Variants in GUCY1B1 observed in about 807,000 individuals in gnomAD.
The protein encoded by GUCY1B1 is guanylate cyclase 1 soluble subunit beta 1, also known as guanylate cyclase soluble subunit beta-1.
In GUCY1B1, 43 loss-of-function variants were observed where a neutral mutation model predicts 71.0. The observed-to-expected ratio is 0.61, with a 90% CI of 0.47 to 0.78. GUCY1B1 has a LOEUF of 0.78. GUCY1B1 is among the 30% of genes least tolerant of loss of function. The pLI is 0.00. For missense variants in GUCY1B1, 535 were observed against 754.1 expected (o/e 0.71, Z 3.40); for synonymous variants, 266 against 259.7 (o/e 1.02, Z -0.23).
In GUCY1B1 at chr4:155,788,410, A is replaced by T. The variant is rs558250175; in HGVS notation, c.298-1304A>T. 9.2e-5 allele frequency among the ~76,000 whole-genome samples: 14 copies of T among 152,194 alleles called. No homozygotes were observed. In the East Asian group the frequency reaches 2.7e-3, roughly 29 times the overall value. On this transcript the variant is annotated intron_variant, in intron 4 of 13. Coordinates refer to ENST00000264424, the MANE Select transcript of GUCY1B1 (RefSeq NM_000857.5). ...TCCTTCTCATACTCCCATCTCTTTG[A>T]CCTTTTGTCATTGCACATCTCTCTG...
At chr4:155,803,481 T>A in intron 10 of GUCY1B1, 143 bp from the exon 11 acceptor site, 1 of 472,736 alleles carries the variant, frequency 2.1e-6, no homozygotes, top group Non-Finnish European at 3.6e-6. Context: ...TGGAGTTGAA[T>A]ATATTAGAAT....
intron 2 of GUCY1B1, among the ~76,000 whole-genome samples, chr4:155,774,545 T>C (rs1737911287): frequency 6.6e-6 from 1 of 152,202 alleles, no homozygotes; most frequent in Admixed American, 6.5e-5. Context: ...TCCCAGAATA[T>C]ATGTATTGCA....
At chr4:155,774,890 A>C in intron 2 of GUCY1B1, 78 bp from the exon 3 acceptor site, 5 of 827,028 alleles carry the variant, frequency 6.0e-6, no homozygotes, top group Non-Finnish European at 1.0e-5. Context: ...GCCATTGTTT[A>C]TACAATTATT....
chr4:155,798,273 A>G (rs1050037364), intron 8 of GUCY1B1, among the ~76,000 whole-genome samples: 3 of 152,190 alleles, frequency 2.0e-5, no homozygotes, highest in Non-Finnish European at 4.4e-5. Flanking sequence ...TTGAATTTAG[A>G]AAAAACTTAA....
Position 155,807,004 on chromosome 4 carries a change from G to A in GUCY1B1, c.*595G>A, listed in dbSNP as rs976793158. 2.0e-5 allele frequency: 3 copies of A among 152,096 alleles called. No homozygotes were observed. The highest frequency in any genetic ancestry group is 4.4e-5 in the Non-Finnish European group (3 of 67,996). The allele number at this position is 152,096 out of a possible 1,614,324, so 9.4% of individuals were successfully genotyped here. On this transcript the variant is annotated 3_prime_UTR_variant, in exon 14 of 14. Transcript: ENST00000264424. Reference sequence around the variant, plus strand: ...GAAAATAGTGACTATTTTGAAGTATGCTACTTCCCTTTCAGAAATATAGAA... The same window carrying A: ...GAAAATAGTGACTATTTTGAAGTATACTACTTCCCTTTCAGAAATATAGAA...
chr4:155,759,675 C>T (rs1736825642), intron 1 of GUCY1B1, 112 bp from the exon 2 acceptor site: 1 of 698,306 alleles, frequency 1.4e-6, no homozygotes, highest in African/African-American at 1.8e-5. Context: ...GAGTCAGGGG[C>T]GGGGTGAAAG....
At chr4:155,768,456 G>GTTTTT (rs35462860) in intron 2 of GUCY1B1, among the ~76,000 whole-genome samples, 4 of 128,614 alleles carry the variant, frequency 3.1e-5, no homozygotes, top group Non-Finnish European at 5.0e-5. Flanking sequence ...TTACTTGTTT[G>GTTTTT]TTTTTTTTTT....
In GUCY1B1 at chr4:155,803,690, C is replaced by G. The variant is rs371047617; in HGVS notation, c.1480C>G (p.Arg494Gly). The G allele has an allele frequency of 9.3e-5, 149 of 1,601,686 alleles. No homozygotes were observed. The highest frequency in any genetic ancestry group is 1.2e-4 in the Non-Finnish European group (137 of 1,172,758). ...ACCAGAGCCATGCATTCACCATGCA[C>G]GATCCATCTGCCACCTGGCCTTGGA... The part of the protein sequence containing the change: ...GLPEPCIHHA[R>G]SICHLALDMM... Residue 494 changes from arginine to glycine, a missense_variant, in exon 11 of 14, where the codon CGA becomes GGA. By Grantham distance (125) the Arg-to-Gly change is moderately radical. Transcript: ENST00000264424.
At chr4:155,794,237 T>A (rs567931851) in intron 6 of GUCY1B1, among the ~76,000 whole-genome samples, 151 bp downstream of exon 6, 2 of 152,224 alleles carry the variant, frequency 1.3e-5, no homozygotes, top group Non-Finnish European at 2.9e-5. Context: ...AATTGTGAAC[T>A]AAGTGTATTT....
intron 2 of GUCY1B1, among the ~76,000 whole-genome samples, chr4:155,765,975 G>C (rs931990709): frequency 9.2e-5 from 14 of 152,140 alleles, no homozygotes; most frequent in Admixed American, 7.2e-4. Context: ...TAATGCAAGA[G>C]TTTGTACTTA....
chr4:155,782,119 A>G (rs1232333165), intron 4 of GUCY1B1, among the ~76,000 whole-genome samples: 3 of 152,084 alleles, frequency 2.0e-5, no homozygotes, highest in Non-Finnish European at 4.4e-5. Flanking sequence ...TCTGTCGCCC[A>G]GGCTGGAGTG....
chr4:155,785,351 G>C (rs1227635855), intron 4 of GUCY1B1: 1 of 1,219,446 alleles, frequency 8.2e-7, no homozygotes, highest in East Asian at 2.5e-5. Context: ...CATTTTTTCA[G>C]TGTCTTTTTT....
intron 4 of GUCY1B1, among the ~76,000 whole-genome samples, chr4:155,782,180 A>G (rs565814337): frequency 1.3e-5 from 2 of 152,104 alleles, no homozygotes; most frequent in Non-Finnish European, 2.9e-5. Flanking sequence ...GGTTCACGCC[A>G]TTCTACTGCC....
chr4:155,780,129 C>G (rs1220806395), intron 4 of GUCY1B1, among the ~76,000 whole-genome samples: 4 of 152,154 alleles, frequency 2.6e-5, no homozygotes. Flanking sequence ...CTTGCTTAAA[C>G]TCTGGAGTAA....
chr4:155,781,653 T>G (rs915142916), intron 4 of GUCY1B1, among the ~76,000 whole-genome samples: 2 of 151,862 alleles, frequency 1.3e-5, no homozygotes, highest in Non-Finnish European at 2.9e-5. Flanking sequence ...TTATCCTAAA[T>G]GGATAAATAA....
intron 2 of GUCY1B1, among the ~76,000 whole-genome samples, chr4:155,760,809 T>C (rs1210033755): frequency 6.6e-6 from 1 of 152,222 alleles, no homozygotes; most frequent in Non-Finnish European, 1.5e-5. Context: ...GGTGGGCAGA[T>C]GGGAATACAC....
At chr4:155,789,531 T>G (rs1288904533) in intron 4 of GUCY1B1, among the ~76,000 whole-genome samples, 183 bp from the exon 5 acceptor site, 2 of 152,250 alleles carry the variant, frequency 1.3e-5, no homozygotes, top group African/African-American at 2.4e-5. Context: ...CTATCTTAGT[T>G]TCATTTTCTC....
chr4:155,793,105 T>A (rs1459468657), intron 5 of GUCY1B1, among the ~76,000 whole-genome samples: 1 of 152,184 alleles, frequency 6.6e-6, no homozygotes, highest in East Asian at 1.9e-4. Flanking sequence ...AGACAGAGTC[T>A]CGTTCTGTCG....
chr4:155,771,989 G>A (rs902458035), intron 2 of GUCY1B1, among the ~76,000 whole-genome samples: 2 of 151,996 alleles, frequency 1.3e-5, no homozygotes, highest in African/African-American at 4.8e-5. Context: ...GATAGTGGAG[G>A]CTTATTTTCT....
Sources: allele counts gnomAD v4.1 joint callset (sites outside exome capture counted in the v4.1 genomes callset), GRCh38; gene constraint gnomAD v4.1.1; transcripts MANE v1.5; gene names NCBI Gene and HGNC (gene_info 2026-07-23, HGNC 2026-07-21).